Variants in CASP4 observed in about 807,000 individuals in gnomAD.
The protein encoded by CASP4 is caspase 4, also known as caspase-4.
A neutral mutation model predicts 41.3 loss-of-function variants in CASP4; 29 were observed. The observed-to-expected ratio is 0.70, with a 90% CI of 0.52 to 0.96. The LOEUF is 0.96. CASP4 is among the 40% of genes least tolerant of loss of function. The pLI is 0.00. For synonymous variants in CASP4, 185 were observed against 158.4 expected, an observed-to-expected ratio of 1.17 and a Z score of -1.26; for missense variants, 447 against 460.6, an observed-to-expected ratio of 0.97 and a Z score of 0.27.
chr11:104,953,033 C>T (rs1860652990), intron 2 of CASP4, among the ~76,000 whole-genome samples: 1 of 152,118 alleles, frequency 6.6e-6, no homozygotes, highest in South Asian at 2.1e-4. Flanking sequence ...TTAGTCATCT[C>T]CTAATGATCA....
chr11:104,948,062 T>C (rs1860507016), intron 6 of CASP4: 1 of 152,252 alleles, frequency 6.6e-6, no homozygotes, highest in Non-Finnish European at 1.5e-5. Context: ...CTCCTTAAGA[T>C]AATTACCTAG....
intron 3 of CASP4, chr11:104,951,553 G>A (rs1273559625): frequency 6.2e-6 from 2 of 324,790 alleles, no homozygotes; most frequent in South Asian, 3.6e-5. Context: ...GACTTTTCAA[G>A]TAGAGTGCAA....
chr11:104,951,262 C>T (rs1245927640), intron 3 of CASP4, 164 bp from the exon 4 acceptor site: 30 of 519,254 alleles, frequency 5.8e-5, no homozygotes, highest in Middle Eastern at 4.9e-4. Context: ...GGGAAAGAAC[C>T]GGACATATCT....
At chr11:104,943,188 T>C in intron 8 of CASP4, 1 of 329,056 alleles carries the variant, frequency 3.0e-6, no homozygotes, top group Non-Finnish European at 6.0e-6. Flanking sequence ...CTAGAAAGGC[T>C]TCCTGTCTCG....
chr11:104,954,396 T>C lies in CASP4; in HGVS notation c.262+351A>G, dbSNP rs115907564. Among the ~76,000 whole-genome samples the C allele has an allele frequency of 5.0e-3, 754 of 152,276 alleles. 3 individuals carry two copies. The highest frequency in any genetic ancestry group is 0.018 in the African/African-American group (728 of 41,566). ...ACTGGAATTGTCTTCATTTCACAGA[T>C]GGTAAGACTAATAACTAAGGATCTA... On this transcript the variant is annotated intron_variant, in intron 2 of 8. Coordinates refer to ENST00000444739, the MANE Select transcript of CASP4 (RefSeq NM_001225.4).
At chr11:104,949,431 AC>A in intron 5 of CASP4, 111 bp downstream of exon 5, 1 of 1,125,516 alleles carries the variant, frequency 8.9e-7, no homozygotes, top group Non-Finnish European at 1.3e-6. Context: ...AATTCAATGT[AC>A]TTTATTTACA....
chr11:104,949,497 C>T, intron 5 of CASP4, 46 bp downstream of exon 5: 2 of 1,586,592 alleles, frequency 1.3e-6, no homozygotes, highest in Non-Finnish European at 1.7e-6. Context: ...TCACAATCCT[C>T]TGCATACACC....
chr11:104,946,864 A>C, intron 7 of CASP4: 1 of 354,266 alleles, frequency 2.8e-6, no homozygotes, highest in East Asian at 4.6e-5. Flanking sequence ...TCCATAACAT[A>C]AAGCTTATGG....
chr11:104,955,102 T>C, intron 1 of CASP4, 101 bp from the exon 2 acceptor site: 1 of 1,158,744 alleles, frequency 8.6e-7, no homozygotes, highest in Non-Finnish European at 1.2e-6. Context: ...TCTGAAAGTA[T>C]GTCCTACTTC....
intron 7 of CASP4, chr11:104,946,828 C>G (rs1415719760): frequency 2.5e-5 from 6 of 241,352 alleles, no homozygotes; most frequent in African/African-American, 1.4e-4. Flanking sequence ...AATATTTTTC[C>G]TTCTCTAAAA....
chr11:104,949,531 CT>C lies in CASP4; in HGVS notation c.781+11del, dbSNP rs1860551382. On this transcript the variant is annotated intron_variant, in intron 5 of 8. Coordinates refer to ENST00000444739, the MANE Select transcript of CASP4 (RefSeq NM_001225.4). ...CCTTCATAACTGTTAGATGTTCAGT[CT>C]CAGCACTCACCACCTCTGCAGGCCT... 1 of 1,613,242 alleles carries C rather than the reference CT, an allele frequency of 6.2e-7. No homozygotes were observed. The highest frequency in any genetic ancestry group is 1.3e-5 in the African/African-American group (1 of 74,884).
Position 104,951,028 on chromosome 11 carries a change from T to A in CASP4, c.443A>T (p.His148Leu). 6.2e-7 allele frequency: 1 copy of A among 1,613,524 alleles called. No individual in the cohort carries two copies. Among genetic ancestry groups the A allele is most frequent in the Non-Finnish European group, 8.5e-7 (1 of 1,179,608 alleles). ...GTCAGCTCCATTCCTCGGAGGCAGA[T>A]GGTCAAACTCTGTATTGCATATGAT... ...ALIICNTEFD[H>L]LPPRNGADFD... Residue 148 changes from histidine (H) to leucine (L), a missense_variant, in exon 4 of 9, where the codon CAT becomes CTT. Transcript: ENST00000444739.
chr11:104,967,727 A>C (rs768484073), intron 1 of CASP4, among the ~76,000 whole-genome samples: 1 of 152,190 alleles, frequency 6.6e-6, no homozygotes, highest in Non-Finnish European at 1.5e-5. Flanking sequence ...CTTTTTTTAT[A>C]TGACTACAGA....
At chr11:104,951,414 C>G in intron 3 of CASP4, 1 of 255,176 alleles carries the variant, frequency 3.9e-6, no homozygotes, top group Non-Finnish European at 7.6e-6. Context: ...GTCGTTGACT[C>G]CAGTGAAAAA....
intron 1 of CASP4, among the ~76,000 whole-genome samples, chr11:104,961,169 C>CT (rs1248984280): frequency 2.0e-5 from 3 of 152,218 alleles, no homozygotes; most frequent in African/African-American, 7.2e-5. Context: ...TGGGGGCTGG[C>CT]TCTGGTACTC....
intron 6 of CASP4, 102 bp downstream of exon 6, chr11:104,948,431 A>G (rs1212013070): frequency 1.7e-6 from 2 of 1,193,792 alleles, no homozygotes; most frequent in Non-Finnish European, 2.3e-6. Flanking sequence ...AGCACACAAC[A>G]TTCTATCAGA....
At chr11:104,958,217 G>C (rs1237695083) in intron 1 of CASP4, among the ~76,000 whole-genome samples, 1 of 152,126 alleles carries the variant, frequency 6.6e-6, no homozygotes, top group African/African-American at 2.4e-5. Context: ...CATAACATTG[G>C]TCTAGACAGT....
chr11:104,949,210 C>T lies in CASP4; in HGVS notation c.781+333G>A, dbSNP rs538698846. The T allele has an allele frequency of 2.5e-5, 9 of 356,568 alleles. No individual in the cohort carries two copies. In the East Asian group the frequency reaches 5.1e-4, roughly 20 times the overall value. 22.1% of individuals were successfully genotyped at this position (356,568 alleles called of 1,614,324 possible). A position where few individuals can be genotyped will look rare whatever the true frequency, so the allele number is the denominator to read the frequency against. ...CAAATGAAATTCTTCTCAAACCACA[C>T]AATGTCAAAATTTCTGTAAAACATT... On this transcript the variant is annotated intron_variant, in intron 5 of 8. Coordinates refer to ENST00000444739, the MANE Select transcript of CASP4 (RefSeq NM_001225.4).
At chr11:104,946,162 T>G (rs1279847281) in intron 7 of CASP4, among the ~76,000 whole-genome samples, 1 of 152,166 alleles carries the variant, frequency 6.6e-6, no homozygotes, top group Admixed American at 6.6e-5. Context: ...GGCTTTCTTC[T>G]ATAAACGCCA....
Sources: allele counts gnomAD v4.1 joint callset (sites outside exome capture counted in the v4.1 genomes callset), GRCh38; gene constraint gnomAD v4.1.1; transcripts MANE v1.5; gene names NCBI Gene and HGNC (gene_info 2026-07-23, HGNC 2026-07-21).